Variants in PPP3CB observed in about 807,000 individuals in gnomAD.
PPP3CB encodes serine/threonine-protein phosphatase 2B catalytic subunit beta isoform.
PPP3CB carries 8 observed loss-of-function variants against 66.4 expected under a neutral mutation model. That is an observed-to-expected ratio of 0.12 (90% CI 0.07 to 0.22). The LOEUF (loss-of-function observed/expected upper bound fraction) is 0.22, where lower values mean the gene tolerates loss of function less well. Among genes scored for constraint, PPP3CB ranks in the 10% least tolerant of loss-of-function variants. The pLI is 1.00. For missense variants in PPP3CB, 319 were observed against 642.5 expected (o/e 0.50, Z 5.44); for synonymous variants, 208 against 221.2 (o/e 0.94, Z 0.53).
At position 73,472,534 on chromosome 10, in the gene PPP3CB, T is replaced by G. The variant is rs550623499; in HGVS notation, c.524-921A>C. The stretch of plus-strand genomic sequence containing the variant: ...AAGAAAGAAATCTCTTAAAAACAGC[T>G]CAACCCTTCACCTTTATCGGCCAAA... On this transcript the variant is annotated intron_variant, in intron 4 of 13. Coordinates refer to ENST00000360663, the MANE Select transcript of PPP3CB (RefSeq NM_021132.4). 2.6e-5 allele frequency among the ~76,000 whole-genome samples: 4 copies of G among 151,500 alleles called. No homozygotes were observed. The South Asian group carries it at 8.4e-4, about 32-fold the overall frequency.
At chr10:73,439,149 A>G (rs2056109155) in intron 13 of PPP3CB, among the ~76,000 whole-genome samples, 1 of 152,186 alleles carries the variant, frequency 6.6e-6, no homozygotes, top group South Asian at 2.1e-4. Context: ...CATTCACTTC[A>G]TCTAGAATGA....
chr10:73,471,664 C>T, intron 4 of PPP3CB, 51 bp from the exon 5 acceptor site: 3 of 1,407,910 alleles, frequency 2.1e-6, no homozygotes, highest in Non-Finnish European at 2.9e-6. Context: ...GGTGGTGTGA[C>T]CATTTTAAAA....
chr10:73,462,353 G>A (rs1166351104), intron 9 of PPP3CB, among the ~76,000 whole-genome samples: 1 of 151,540 alleles, frequency 6.6e-6, no homozygotes, highest in East Asian at 1.9e-4. Context: ...TTTTAAAAAA[G>A]GAAAATTTGG....
chr10:73,469,113 A>G (rs2056664514), intron 8 of PPP3CB, among the ~76,000 whole-genome samples: 1 of 152,206 alleles, frequency 6.6e-6, no homozygotes, highest in South Asian at 2.1e-4. Context: ...AGTCAAACCA[A>G]CAAAGGACAA....
chr10:73,474,356 T>A (rs768888941), intron 4 of PPP3CB, among the ~76,000 whole-genome samples: 13 of 151,766 alleles, frequency 8.6e-5, no homozygotes, highest in Non-Finnish European at 1.5e-4. Flanking sequence ...AAATTAATTG[T>A]AACATTAAAA....
intron 5 of PPP3CB, 124 bp downstream of exon 5, chr10:73,471,344 G>T: frequency 1.5e-6 from 2 of 1,348,420 alleles, no homozygotes; most frequent in Non-Finnish European, 2.0e-6. Flanking sequence ...ATTTCCTTAA[G>T]ATATCAGTAT....
rs574086826 is a variant in PPP3CB, at chr10:73,486,006, C to T, written c.86-6489G>A. Among the ~76,000 whole-genome samples the T allele has an allele frequency of 7.3e-5, 11 of 151,182 alleles. 1 individual carries two copies. The highest frequency in any genetic ancestry group is 1.9e-4 in the African/African-American group (8 of 41,212). On this transcript the variant is annotated intron_variant, in intron 1 of 13. Coordinates refer to ENST00000360663, the MANE Select transcript of PPP3CB (RefSeq NM_021132.4). ...TGTTGCCCAGGCTAGAATGCAGTGG[C>T]GCAACATGAGCTCACTGCAACCTCT...
At position 73,467,624 on chromosome 10, in the gene PPP3CB, G is replaced by C; in HGVS notation, c.1037C>G (p.Ser346Cys). 1 of 1,581,934 alleles carries C rather than the reference G, an allele frequency of 6.3e-7. No individual in the cohort carries two copies. The highest frequency in any genetic ancestry group is 8.6e-7 in the Non-Finnish European group (1 of 1,160,600). ...NVMNIRQFNC[S>C]PHPYWLPNFM... The stretch of plus-strand genomic sequence containing the variant: ...ATTAGGCAACCAGTAAGGATGTGGA[G>C]AACAGTTAAACTGTCGAATATTCAT... Residue 346 changes from serine to cysteine, a missense_variant, in exon 9 of 14, where the codon TCT becomes TGT. Coordinates refer to ENST00000360663, the MANE Select transcript of PPP3CB (RefSeq NM_021132.4).
chr10:73,480,233 A>G (rs1278485613), intron 1 of PPP3CB, among the ~76,000 whole-genome samples: 3 of 151,730 alleles, frequency 2.0e-5, no homozygotes, highest in African/African-American at 7.3e-5. Context: ...TTTTTCTCCT[A>G]CCTTACTTAA....
In PPP3CB at chr10:73,455,452, TTCTG is replaced by T. The variant is rs751493717; in HGVS notation, c.1109-967_1109-964del. 1.2e-4 allele frequency among the ~76,000 whole-genome samples: 19 copies of T among 152,356 alleles called. No homozygotes were observed. The South Asian group carries it at 1.9e-3, about 15-fold the overall frequency. The stretch of plus-strand genomic sequence containing the variant: ...TCCTATATGTTCAATCACTTGGAAT[TTCTG>T]TCTATTATCATATTTACAGTTTCAA... On this transcript the variant is annotated intron_variant, in intron 9 of 13. Coordinates refer to ENST00000360663, the MANE Select transcript of PPP3CB (RefSeq NM_021132.4).
At chr10:73,454,364 A>C in intron 10 of PPP3CB, 48 bp downstream of exon 10, 1 of 1,448,684 alleles carries the variant, frequency 6.9e-7, no homozygotes, top group Non-Finnish European at 9.6e-7. Flanking sequence ...GCAGTAAAGA[A>C]ATACCATTTC....
At chr10:73,459,893 C>T (rs938332340) in intron 9 of PPP3CB, among the ~76,000 whole-genome samples, 3 of 152,016 alleles carry the variant, frequency 2.0e-5, no homozygotes, top group African/African-American at 7.2e-5. Flanking sequence ...GTAATGATTG[C>T]ACAACTCTGT....
intron 9 of PPP3CB, among the ~76,000 whole-genome samples, chr10:73,458,610 CA>C (rs2056469009): frequency 6.6e-6 from 1 of 151,268 alleles, no homozygotes; most frequent in South Asian, 2.1e-4. Flanking sequence ...CCAGCCTGGG[CA>C]ACATGGCGAA....
chr10:73,438,864 G>A (rs2056104998), intron 13 of PPP3CB, among the ~76,000 whole-genome samples: 1 of 152,060 alleles, frequency 6.6e-6, no homozygotes, highest in African/African-American at 2.4e-5. Flanking sequence ...ATACAAATCT[G>A]TACCAAGAGC....
chr10:73,464,763 C>A (rs1005323086), intron 9 of PPP3CB, among the ~76,000 whole-genome samples: 1 of 152,068 alleles, frequency 6.6e-6, no homozygotes, highest in African/African-American at 2.4e-5. Flanking sequence ...GAAACCCCGT[C>A]TCTACTAAAT....
chr10:73,490,233 G>C (rs990894503), intron 1 of PPP3CB, among the ~76,000 whole-genome samples: 4 of 152,094 alleles, frequency 2.6e-5, no homozygotes, highest in Non-Finnish European at 5.9e-5. Flanking sequence ...GACCATTCCA[G>C]TCCAGAGTCA....
rs142465054 is a variant in PPP3CB at position 73,457,862 on chromosome 10, C to T, written c.1109-3373G>A. Among the ~76,000 whole-genome samples the T allele has an allele frequency of 2.6e-3, 400 of 152,070 alleles. 4 individuals carry two copies. Among genetic ancestry groups the T allele is most frequent in the Admixed American group, 0.024 (374 of 15,274 alleles). ...AAAAACACAACTCAATAATTATCTCCCATGAAACAACTGAGACAGAAAAAT... is the reference window on the plus strand; with the variant it reads ...AAAAACACAACTCAATAATTATCTCTCATGAAACAACTGAGACAGAAAAAT... On this transcript the variant is annotated intron_variant, in intron 9 of 13. Transcript: ENST00000360663.
intron 1 of PPP3CB, chr10:73,495,585 A>C: frequency 1.9e-6 from 1 of 522,822 alleles, no homozygotes; most frequent in Non-Finnish European, 2.9e-6. Context: ...CACGGAAGCA[A>C]AACCTCCGCC....
intron 1 of PPP3CB, among the ~76,000 whole-genome samples, chr10:73,486,357 G>A (rs113228884): frequency 0.071 from 9,887 of 139,998 alleles, 549 homozygotes; most frequent in East Asian, 0.3. Flanking sequence ...CCAGGCTGGC[G>A]TGCGATGGTG....
Sources: allele counts gnomAD v4.1 joint callset (sites outside exome capture counted in the v4.1 genomes callset), GRCh38; gene constraint gnomAD v4.1.1; transcripts MANE v1.5; gene names NCBI Gene and HGNC (gene_info 2026-07-23, HGNC 2026-07-21).